The following SLC23A2 variants were observed in gnomAD, a reference collection of about 807,000 sequenced individuals.
SLC23A2 encodes the protein solute carrier family 23 member 2, also known as Na(+)/L-ascorbic acid transporter 2.
Under a neutral mutation model 73.3 loss-of-function variants are expected in SLC23A2, and 36 were observed. The ratio of observed to expected loss-of-function variants is 0.49; its 90% CI spans 0.38 to 0.65. SLC23A2 has a LOEUF of 0.65. Ranked by LOEUF, SLC23A2 falls within the 30% of genes least tolerant of loss-of-function variation. The pLI is 0.00. For synonymous variants in SLC23A2, 343 were observed against 327.3 expected, an observed-to-expected ratio of 1.05 and a Z score of -0.52; for missense variants, 507 against 841.6, an observed-to-expected ratio of 0.60 and a Z score of 4.92.
rs1303110395 is a variant in SLC23A2, at chr20:4,859,296, G to A, written c.1713C>T (p.Thr571=). The A allele has an allele frequency of 1.3e-6, 2 of 1,589,668 alleles. No homozygotes were observed. Among genetic ancestry groups the A allele is most frequent in the Admixed American group, 3.3e-5 (2 of 59,894 alleles). ...GGCVAFILDN[T]IPGTPEERGI... ...TTGATATATACCACGTACCTGGGAT[G>A]GTGTTATCCAGGATAAAAGCCACAC... is the stretch of plus-strand genomic sequence containing the variant. Residue 571 remains threonine, a synonymous_variant, in exon 16 of 17, where the codon ACC becomes ACT. Transcript: ENST00000338244.
At chr20:5,002,418 C>T (rs560923499), upstream of SLC23A2, among the ~76,000 whole-genome samples, 90 of 152,296 alleles carry the variant, frequency 5.9e-4, no homozygotes, top group Admixed American at 1.7e-3. Context: ...ATAATTAGTA[C>T]TTTCTTAACA....
intron 1 of SLC23A2, among the ~76,000 whole-genome samples, chr20:4,981,689 T>TC (rs933348726): frequency 1.3e-5 from 2 of 151,668 alleles, no homozygotes; most frequent in Non-Finnish European, 2.9e-5. Context: ...TCCCTTTCTT[T>TC]CTTTCTTCCT....
At chr20:4,867,057 T>TTAAA (rs1172993224) in intron 13 of SLC23A2, among the ~76,000 whole-genome samples, 1 of 76,504 alleles carries the variant, frequency 1.3e-5, no homozygotes, top group Non-Finnish European at 2.3e-5. Flanking sequence ...AAGCGATCCC[T>TTAAA]AAAAAAAAAA....
intron 11 of SLC23A2, 200 bp downstream of exon 11, chr20:4,873,736 G>T (rs1340172803): frequency 4.1e-6 from 2 of 483,312 alleles, no homozygotes; most frequent in Admixed American, 7.6e-5. Context: ...ATGTGAGAAG[G>T]GAGCCGGTCA....
At chr20:4,875,618 C>T (rs1930624100) in intron 9 of SLC23A2, among the ~76,000 whole-genome samples, 2 of 152,178 alleles carry the variant, frequency 1.3e-5, no homozygotes, top group South Asian at 4.1e-4. Flanking sequence ...GTGCTGACCC[C>T]TCCACGGCAG....
chr20:4,984,072 T>C (rs2087779455), intron 1 of SLC23A2, among the ~76,000 whole-genome samples: 2 of 152,106 alleles, frequency 1.3e-5, no homozygotes, highest in African/African-American at 2.4e-5. Context: ...TTAAGGACTC[T>C]TACGACTCAA....
chr20:5,007,781 T>C (rs1036050931), intron 1 of SLC23A2, among the ~76,000 whole-genome samples: 1 of 152,222 alleles, frequency 6.6e-6, no homozygotes, highest in Admixed American at 6.6e-5. Context: ...ATATGAATTA[T>C]ATACTAATAT....
chr20:4,885,767 T>TTTACA, intron 7 of SLC23A2, 54 bp downstream of exon 7: 1 of 1,304,538 alleles, frequency 7.7e-7, no homozygotes, highest in Non-Finnish European at 1.1e-6. Flanking sequence ...CAGGCCTCCC[T>TTTACA]TTACACCTGC....
chr20:4,953,772 T>G (rs947201135), intron 2 of SLC23A2, among the ~76,000 whole-genome samples: 12 of 151,954 alleles, frequency 7.9e-5, no homozygotes, highest in Non-Finnish European at 1.5e-4. Context: ...ACCTGTAGTT[T>G]TAGCTACTCG....
intron 1 of SLC23A2, among the ~76,000 whole-genome samples, chr20:4,984,398 C>G (rs2087787163): frequency 1.3e-5 from 2 of 151,860 alleles, no homozygotes; most frequent in Non-Finnish European, 2.9e-5. Flanking sequence ...ACTAAAAATA[C>G]AAAAAATTAG....
chr20:4,888,353 G>T (rs1027883552), intron 6 of SLC23A2, among the ~76,000 whole-genome samples: 1 of 152,152 alleles, frequency 6.6e-6, no homozygotes, highest in African/African-American at 2.4e-5. Flanking sequence ...TTTACTGTTG[G>T]CCTTTTACAA....
rs900811012 is a variant in SLC23A2, at chr20:4,852,940, A to G, written c.*4032T>C. On this transcript the variant is annotated 3_prime_UTR_variant, in exon 17 of 17. Coordinates refer to ENST00000338244, the MANE Select transcript of SLC23A2 (RefSeq NM_005116.6). The surrounding 1 kb of genome is among the most constrained non-coding windows in gnomAD (Gnocchi z 4.3). ...CAACGCTAATGTGCCTTATGGGTCC[A>G]TGGGCAGACGCTGAACGCTGGCAAA... The G allele has an allele frequency of 4.6e-5, 7 of 152,774 alleles. No homozygotes were observed. The highest frequency in any genetic ancestry group is 3.9e-4 in the Admixed American group (6 of 15,308). 9.5% of individuals were successfully genotyped at this position (152,774 alleles called of 1,614,324 possible).
intron 1 of SLC23A2, among the ~76,000 whole-genome samples, chr20:4,973,078 T>C (rs1285237523): frequency 1.3e-5 from 2 of 152,202 alleles, no homozygotes; most frequent in Non-Finnish European, 2.9e-5. Context: ...TTGTACAATA[T>C]GTGTGGTTAT....
intron 4 of SLC23A2, among the ~76,000 whole-genome samples, chr20:4,903,190 C>G (rs1294021140): frequency 6.6e-6 from 1 of 152,078 alleles, no homozygotes; most frequent in East Asian, 1.9e-4. Flanking sequence ...TCTTCTTTTT[C>G]TCCTAACACT....
intron 11 of SLC23A2, among the ~76,000 whole-genome samples, chr20:4,871,770 G>C (rs755549849): frequency 2.0e-5 from 3 of 152,136 alleles, no homozygotes; most frequent in Non-Finnish European, 4.4e-5. Context: ...CCTGCTCAAC[G>C]TATCAGCTCC....
At chr20:5,002,456 T>C (rs1259840966), upstream of SLC23A2, among the ~76,000 whole-genome samples, 1 of 152,060 alleles carries the variant, frequency 6.6e-6, no homozygotes, top group Admixed American at 6.5e-5. Flanking sequence ...GTTGTCATGG[T>C]TGCTTTACTA....
At chr20:4,870,831 G>A (rs541191727) in intron 11 of SLC23A2, among the ~76,000 whole-genome samples, 2 of 152,322 alleles carry the variant, frequency 1.3e-5, no homozygotes, top group East Asian at 3.9e-4. Flanking sequence ...AATCCCAACA[G>A]TAAAGCATCC....
chr20:4,934,275 C>T (rs932265599), intron 2 of SLC23A2, among the ~76,000 whole-genome samples: 7 of 152,156 alleles, frequency 4.6e-5, no homozygotes, highest in South Asian at 4.1e-4. Context: ...CTTTGGCCAT[C>T]ACAACTCGGG....
chr20:4,961,707 TGATGGGAGGA>T (rs1267375134), intron 2 of SLC23A2, among the ~76,000 whole-genome samples: 2 of 152,212 alleles, frequency 1.3e-5, no homozygotes, highest in Admixed American at 1.3e-4. Flanking sequence ...GTGCCATTAA[TGATGGGAGGA>T]GATTTAATTT....
Sources: gnomAD v4.1 joint callset for allele counts (sites outside exome capture counted in the v4.1 genomes callset) on GRCh38, gnomAD v4.1.1 for gene constraint, Gnocchi (gnomAD v3.1) non-coding constraint, MANE v1.5 for transcripts, NCBI Gene and HGNC (gene_info 2026-07-23, HGNC 2026-07-21) for gene names.